The following NAALADL2 variants were observed in gnomAD, a reference collection of about 807,000 sequenced individuals.
The protein encoded by NAALADL2 is inactive N-acetylated-alpha-linked acidic dipeptidase-like protein 2.
Under a neutral mutation model 87.2 loss-of-function variants are expected in NAALADL2, and 76 were observed. The ratio of observed to expected loss-of-function variants is 0.87; its 90% CI spans 0.72 to 1.05. NAALADL2 has a LOEUF of 1.05. Among genes scored for constraint, NAALADL2 ranks in the 50% least tolerant of loss-of-function variants. NAALADL2 has a pLI of 0.00. For synonymous variants in NAALADL2, 354 were observed against 331.0 expected, an observed-to-expected ratio of 1.07 and a Z score of -0.75; for missense variants, 1,089 against 945.8, an observed-to-expected ratio of 1.15 and a Z score of -1.99.
intron 3 of NAALADL2, among the ~76,000 whole-genome samples, chr3:174,761,462 G>A (rs979258256): frequency 2.0e-5 from 3 of 151,998 alleles, no homozygotes; most frequent in Non-Finnish European, 2.9e-5. Flanking sequence ...ACATAAAAAT[G>A]GATCACTTAC....
rs1351528110 is a variant in NAALADL2, at chr3:175,548,765, G to T, written c.1654-27276G>T. ...TAAAGTTCAAATTCCATACTGATTT[G>T]GTAAATGGTACAAAGTGAAAAAAGT... On this transcript the variant is annotated intron_variant, in intron 9 of 13. Coordinates refer to ENST00000454872, the MANE Select transcript of NAALADL2 (RefSeq NM_207015.3). Among the ~76,000 whole-genome samples the T allele has an allele frequency of 2.0e-5, 3 of 151,816 alleles. No homozygotes were observed. In the East Asian group the frequency reaches 5.8e-4, roughly 29 times the overall value.
At chr3:174,892,436 C>T (rs919619744) in intron 1 of NAALADL2, among the ~76,000 whole-genome samples, 1 of 151,730 alleles carries the variant, frequency 6.6e-6, no homozygotes, top group Non-Finnish European at 1.5e-5. Context: ...AATATACTGT[C>T]AGAGGAAACA....
rs1470407826 is a variant in NAALADL2 at position 175,430,837 on chromosome 3, ATTAG to A, written c.1091-16388_1091-16385del. Among the ~76,000 whole-genome samples the A allele has an allele frequency of 3.3e-5, 5 of 152,192 alleles. No individual in the cohort carries two copies. The East Asian group carries it at 7.7e-4, about 23-fold the overall frequency. On this transcript the variant is annotated intron_variant, in intron 5 of 13. Coordinates refer to ENST00000454872, the MANE Select transcript of NAALADL2 (RefSeq NM_207015.3). ...TATAATGCTATGTCATTAGTTTGACATTAGTTAATGTTTTATAATTTCCTGTTGC... is the reference window on the plus strand; with the variant it reads ...TATAATGCTATGTCATTAGTTTGACATTAATGTTTTATAATTTCCTGTTGC...
At chr3:175,734,172 C>G (rs148483865) in intron 11 of NAALADL2, among the ~76,000 whole-genome samples, 142 of 152,302 alleles carry the variant, frequency 9.3e-4, no homozygotes, top group Non-Finnish European at 1.7e-3. Context: ...CCCCACATTT[C>G]TTTTTTGCAG....
intron 1 of NAALADL2, among the ~76,000 whole-genome samples, chr3:175,013,132 A>ATG (rs1750213326): frequency 1.0e-5 from 1 of 97,970 alleles, no homozygotes; most frequent in Non-Finnish European, 2.1e-5. Context: ...ACATATTTAT[A>ATG]TATAAATATG....
In NAALADL2 at chr3:175,174,787, G is replaced by A. The variant is rs554411032; in HGVS notation, c.546-59144G>A. Among the ~76,000 whole-genome samples, 328 of 140,578 alleles carry A rather than the reference G, an allele frequency of 2.3e-3. 2 individuals are homozygous for A. Among genetic ancestry groups the A allele is most frequent in the African/African-American group, 9.2e-3 (305 of 32,998 alleles). 92.2% of individuals were successfully genotyped at this position (140,578 alleles called of 152,430 possible). On this transcript the variant is annotated intron_variant, in intron 2 of 13. Coordinates refer to ENST00000454872, the MANE Select transcript of NAALADL2 (RefSeq NM_207015.3). ...GCTATTCATGTGTGTGTGTGTGTGTGTATATATATGTGTGTGTGTGTGCGC... is the reference window on the plus strand; with the variant it reads ...GCTATTCATGTGTGTGTGTGTGTGTATATATATATGTGTGTGTGTGTGCGC...
At chr3:175,231,991 T>C (rs188193041) in intron 2 of NAALADL2, among the ~76,000 whole-genome samples, 1 of 152,120 alleles carries the variant, frequency 6.6e-6, no homozygotes, top group East Asian at 1.9e-4. Context: ...CAAAACAAGG[T>C]GGAAGGCAGA....
At chr3:175,171,433 G>T (rs1258319558) in intron 2 of NAALADL2, among the ~76,000 whole-genome samples, 6 of 152,038 alleles carry the variant, frequency 3.9e-5, no homozygotes, top group Non-Finnish European at 8.8e-5. Flanking sequence ...TCTAAACGGA[G>T]TTGTGTGTAT....
chr3:175,004,256 G>A (rs1164008518), intron 1 of NAALADL2, among the ~76,000 whole-genome samples: 1 of 151,698 alleles, frequency 6.6e-6, no homozygotes, highest in Non-Finnish European at 1.5e-5. Flanking sequence ...AATTAGCTGG[G>A]TGTGGTGATG....
chr3:175,538,899 T>A (rs560021981), intron 9 of NAALADL2, among the ~76,000 whole-genome samples: 6 of 152,266 alleles, frequency 3.9e-5, no homozygotes, highest in African/African-American at 1.4e-4. Flanking sequence ...AAGGACAGAT[T>A]TACTAGAATT....
chr3:174,892,689 C>T (rs953724880), intron 1 of NAALADL2, among the ~76,000 whole-genome samples: 5 of 151,892 alleles, frequency 3.3e-5, no homozygotes, highest in African/African-American at 7.3e-5. Context: ...TTAGGAAGGT[C>T]GAGGTGGGTG....
intron 3 of NAALADL2, among the ~76,000 whole-genome samples, chr3:174,750,262 CA>C (rs1734691296): frequency 6.6e-6 from 1 of 152,088 alleles, no homozygotes; most frequent in Admixed American, 6.5e-5. Flanking sequence ...TTTATCTGGG[CA>C]AATATCGCCA....
At chr3:174,802,520 A>G (rs1030890075) in intron 3 of NAALADL2, among the ~76,000 whole-genome samples, 2 of 152,176 alleles carry the variant, frequency 1.3e-5, no homozygotes, top group Non-Finnish European at 1.5e-5. Context: ...TCTAGGGTAC[A>G]TGTGCACAAT....
intron 1 of NAALADL2, among the ~76,000 whole-genome samples, chr3:174,510,026 G>A (rs1181859422): frequency 6.6e-6 from 1 of 151,564 alleles, no homozygotes; most frequent in Non-Finnish European, 1.5e-5. Context: ...TTCTTTTTTA[G>A]TTTGTTATGG....
At chr3:175,341,140 C>T (rs988924825) in intron 5 of NAALADL2, among the ~76,000 whole-genome samples, 7 of 152,002 alleles carry the variant, frequency 4.6e-5, no homozygotes, top group Non-Finnish European at 8.8e-5. Flanking sequence ...AAACTCTGTA[C>T]GCATTAGCAG....
At chr3:175,717,013 T>C (rs1741392496) in intron 11 of NAALADL2, among the ~76,000 whole-genome samples, 1 of 152,204 alleles carries the variant, frequency 6.6e-6, no homozygotes, top group African/African-American at 2.4e-5. Flanking sequence ...AATCTGGTGC[T>C]ACAGTTGTCC....
chr3:175,197,232 G>C (rs1580880278), intron 2 of NAALADL2, among the ~76,000 whole-genome samples: 2 of 151,910 alleles, frequency 1.3e-5, no homozygotes. Context: ...GTCTGTATTT[G>C]TTTATATCTC....
chr3:174,682,526 C>G (rs1048895258), intron 2 of NAALADL2, among the ~76,000 whole-genome samples: 1 of 152,146 alleles, frequency 6.6e-6, no homozygotes, highest in East Asian at 1.9e-4. Flanking sequence ...TTGTTTTACC[C>G]CTCCCCCAAC....
intron 2 of NAALADL2, among the ~76,000 whole-genome samples, chr3:174,592,703 TTCA>T (rs1216408106): frequency 6.6e-6 from 1 of 152,166 alleles, no homozygotes; most frequent in Non-Finnish European, 1.5e-5. Flanking sequence ...AAATATTTAC[TTCA>T]GATAAATTCT....
Sources: gnomAD v4.1 joint callset for allele counts (sites outside exome capture counted in the v4.1 genomes callset) on GRCh38, gnomAD v4.1.1 for gene constraint, MANE v1.5 for transcripts, NCBI Gene and HGNC (gene_info 2026-07-23, HGNC 2026-07-21) for gene names.